Variants in CACNA2D3 observed in about 807,000 individuals in gnomAD.
CACNA2D3 encodes voltage-dependent calcium channel subunit alpha-2/delta-3.
In CACNA2D3, 60 loss-of-function variants were observed where a neutral mutation model predicts 160.6. The ratio of observed to expected loss-of-function variants is 0.37; its 90% CI spans 0.30 to 0.46. The LOEUF is 0.46. Among genes scored for constraint, CACNA2D3 ranks in the 20% least tolerant of loss-of-function variants. The pLI is 1.00. For missense variants in CACNA2D3, 1,205 were observed against 1,365.0 expected, an observed-to-expected ratio of 0.88 and a Z score of 1.85; for synonymous variants, 558 against 492.9, an observed-to-expected ratio of 1.13 and a Z score of -1.75.
At chr3:54,142,371 T>C (rs1278145966) in intron 2 of CACNA2D3, among the ~76,000 whole-genome samples, 1 of 152,252 alleles carries the variant, frequency 6.6e-6, no homozygotes, top group Non-Finnish European at 1.5e-5. Flanking sequence ...CAGTTCCTGC[T>C]ATGCCAGGGG....
chr3:54,385,550 G>A (rs1699173700), intron 3 of CACNA2D3, among the ~76,000 whole-genome samples: 1 of 152,156 alleles, frequency 6.6e-6, no homozygotes, highest in Non-Finnish European at 1.5e-5. Flanking sequence ...ATCTCTGTCT[G>A]TGGGCAGCAC....
chr3:54,903,303 G>A (rs1203942685), intron 27 of CACNA2D3, among the ~76,000 whole-genome samples: 9 of 152,130 alleles, frequency 5.9e-5, no homozygotes, highest in South Asian at 2.1e-4. Context: ...GAGAACATGC[G>A]GTATTTGGTT....
At chr3:55,061,165 C>G (rs931944292) in intron 35 of CACNA2D3, among the ~76,000 whole-genome samples, 7 of 152,366 alleles carry the variant, frequency 4.6e-5, no homozygotes, top group African/African-American at 1.7e-4. Context: ...TGTGCTTTCT[C>G]CATCAGCAAG....
At chr3:54,405,109 C>T (rs1431228648) in intron 4 of CACNA2D3, among the ~76,000 whole-genome samples, 1 of 151,486 alleles carries the variant, frequency 6.6e-6, no homozygotes, top group Non-Finnish European at 1.5e-5. Flanking sequence ...CTATACTATA[C>T]TATACTATAC....
intron 10 of CACNA2D3, chr3:54,638,859 A>G (rs2106839509): frequency 6.6e-6 from 1 of 152,022 alleles, no homozygotes; most frequent in Admixed American, 6.5e-5. Context: ...AGAAAATAAG[A>G]CGCTTAGATT....
intron 11 of CACNA2D3, among the ~76,000 whole-genome samples, chr3:54,660,852 T>G (rs1245731091): frequency 6.6e-6 from 1 of 152,158 alleles, no homozygotes; most frequent in Non-Finnish European, 1.5e-5. Context: ...CTCGGTTCAT[T>G]GTTTGCTCAT....
chr3:55,052,483 T>TA (rs1704251528), intron 35 of CACNA2D3, among the ~76,000 whole-genome samples: 1 of 151,824 alleles, frequency 6.6e-6, no homozygotes, highest in Admixed American at 6.6e-5. Context: ...GTGTTGTTGT[T>TA]AAAGTTTTCT....
intron 2 of CACNA2D3, among the ~76,000 whole-genome samples, chr3:54,232,096 T>C (rs532541823): frequency 1.3e-5 from 2 of 152,348 alleles, no homozygotes; most frequent in Non-Finnish European, 2.9e-5. Flanking sequence ...TGTGTATATG[T>C]GCATATACTT....
At chr3:54,215,880 TTTTC>T (rs1423079848) in intron 2 of CACNA2D3, among the ~76,000 whole-genome samples, 3 of 129,918 alleles carry the variant, frequency 2.3e-5, no homozygotes, top group South Asian at 2.6e-4. Context: ...TTTTCTTTTC[TTTTC>T]TTTTTTTTTT....
chr3:54,828,815 C>A (rs2703020), intron 14 of CACNA2D3, among the ~76,000 whole-genome samples: 3,085 of 152,214 alleles, frequency 0.02, 99 homozygotes, highest in African/African-American at 0.068. Context: ...ATCTCCAGAT[C>A]TCAAATGCAA....
chr3:54,297,540 T>C (rs986030632), intron 2 of CACNA2D3, among the ~76,000 whole-genome samples: 1 of 152,122 alleles, frequency 6.6e-6, no homozygotes, highest in African/African-American at 2.4e-5. Flanking sequence ...TTTTCTCACC[T>C]GTTTTTAACT....
chr3:54,248,439 C>T (rs990280162), intron 2 of CACNA2D3, among the ~76,000 whole-genome samples: 6 of 150,042 alleles, frequency 4.0e-5, no homozygotes, highest in African/African-American at 1.5e-4. Context: ...TGAGATTGTG[C>T]CACTGCACTC....
chr3:54,683,922 G>T (rs183551465), intron 11 of CACNA2D3, among the ~76,000 whole-genome samples: 1 of 149,084 alleles, frequency 6.7e-6, no homozygotes, highest in Non-Finnish European at 1.5e-5. Flanking sequence ...CTTCTTTCAC[G>T]TGGCCATCTT....
intron 27 of CACNA2D3, among the ~76,000 whole-genome samples, chr3:54,937,562 T>A (rs955416625): frequency 2.6e-5 from 4 of 152,156 alleles, no homozygotes; most frequent in African/African-American, 9.7e-5. Flanking sequence ...GTCAACTGTA[T>A]ATGAAAAAGT....
intron 3 of CACNA2D3, among the ~76,000 whole-genome samples, chr3:54,356,848 C>T (rs1230078482): frequency 6.6e-6 from 1 of 152,194 alleles, no homozygotes; most frequent in Non-Finnish European, 1.5e-5. Context: ...ATTCTTGATT[C>T]AGACTCTCTG....
Position 55,074,039 on chromosome 3 carries a change from G to GGAGA in CACNA2D3, c.3184-71_3184-68dup, listed in dbSNP as rs1451301893. The GGAGA allele has an allele frequency of 2.4e-6, 3 of 1,268,108 alleles. No individual in the cohort carries two copies. In the African/African-American group the frequency reaches 4.4e-5, roughly 19 times the overall value. 78.6% of individuals were successfully genotyped at this position (1,268,108 alleles called of 1,614,324 possible). A position where few individuals can be genotyped will look rare whatever the true frequency, so the allele number is the denominator to read the frequency against. On this transcript the variant is annotated intron_variant, in intron 37 of 37. Transcript: ENST00000474759. ...GACTTCGTTCTTACGTTAGAGAGGG[G>GGAGA]GAGAGAGGTCTGGGGAAAGTTGAAG...
At chr3:55,016,399 C>T (rs1192755784) in intron 34 of CACNA2D3, among the ~76,000 whole-genome samples, 1 of 152,218 alleles carries the variant, frequency 6.6e-6, no homozygotes, top group Non-Finnish European at 1.5e-5. Context: ...TCCCATTTAG[C>T]AGACGAGGAC....
chr3:54,586,572 TATA>T (rs1702765913), intron 9 of CACNA2D3, among the ~76,000 whole-genome samples: 2 of 152,176 alleles, frequency 1.3e-5, no homozygotes, highest in Non-Finnish European at 2.9e-5. Context: ...GATTTACAAT[TATA>T]GTTGGGACTT....
rs1166991518 is a variant in CACNA2D3 at position 54,752,647 on chromosome 3, A to G, written c.1216A>G (p.Asn406Asp). ...LIGREAAFAD[N>D]LKWMACANKG... Reference sequence around the variant, plus strand: ...TGGACGAGAGGCTGCGTTTGCAGACAATCTAAAGTGGATGGCCTGTGCCAA... The same window carrying G: ...TGGACGAGAGGCTGCGTTTGCAGACGATCTAAAGTGGATGGCCTGTGCCAA... Residue 406 changes from asparagine to aspartate, a missense_variant, in exon 12 of 38, where the codon AAT (asparagine) becomes GAT (aspartate). Around this residue, in one of 3 missense-constraint regions of CACNA2D3, gnomAD observed 911 missense variants for 1,002.2 expected, o/e 0.91. Transcript: ENST00000474759. The G allele has an allele frequency of 1.2e-6, 2 of 1,613,342 alleles. No individual in the cohort carries two copies. Among genetic ancestry groups the G allele is most frequent in the African/African-American group, 1.3e-5 (1 of 74,924 alleles).
Sources: gnomAD v4.1 joint callset for allele counts (sites outside exome capture counted in the v4.1 genomes callset) on GRCh38, gnomAD v4.1.1 for gene constraint, gnomAD v4.1.1 regional missense constraint, MANE v1.5 for transcripts, NCBI Gene and HGNC (gene_info 2026-07-23, HGNC 2026-07-21) for gene names.